Variants in IMMP2L observed in about 807,000 individuals in gnomAD.
The protein encoded by IMMP2L is mitochondrial inner membrane protease subunit 2.
Under a neutral mutation model 19.3 loss-of-function variants are expected in IMMP2L, and 18 were observed. The ratio of observed to expected loss-of-function variants is 0.93; its 90% CI spans 0.64 to 1.38. The LOEUF is 1.38. Ranked by LOEUF, IMMP2L falls within the 40% of genes most tolerant of loss-of-function variation. The pLI is 0.00. For synonymous variants in IMMP2L, 76 were observed against 73.0 expected, an observed-to-expected ratio of 1.04 and a Z score of -0.21; for missense variants, 233 against 218.2, an observed-to-expected ratio of 1.07 and a Z score of -0.43.
At chr7:110,734,750 A>C (rs79346106) in intron 5 of IMMP2L, among the ~76,000 whole-genome samples, 1 of 151,862 alleles carries the variant, frequency 6.6e-6, no homozygotes, top group East Asian at 1.9e-4. Context: ...CAAACAAAAA[A>C]CCAGCCTAAA....
At chr7:110,797,272 G>A (rs1440055841) in intron 5 of IMMP2L, among the ~76,000 whole-genome samples, 1 of 151,886 alleles carries the variant, frequency 6.6e-6, no homozygotes, top group Non-Finnish European at 1.5e-5. Context: ...TAAAAATCCT[G>A]AATGAAACAT....
At chr7:110,928,351 GCACACACACACACACACACACACA>G (rs58639346) in intron 4 of IMMP2L, among the ~76,000 whole-genome samples, 55 of 117,100 alleles carry the variant, frequency 4.7e-4, no homozygotes, top group Non-Finnish European at 8.5e-4. Context: ...ATATGTACCT[GCACACACACACACACACACACACA>G]CACACACACA....
Position 110,992,698 on chromosome 7 carries a change from C to T in IMMP2L, c.240-29133G>A, listed in dbSNP as rs181093842. On this transcript the variant is annotated intron_variant, in intron 3 of 5. Transcript: ENST00000405709. ...TTCATTAGGAAGCTTAATCAGATCACTCAAGCATTTGTTGATATGGAAAGT... is the reference window on the plus strand; with the variant it reads ...TTCATTAGGAAGCTTAATCAGATCATTCAAGCATTTGTTGATATGGAAAGT... 7.1e-4 allele frequency among the ~76,000 whole-genome samples: 108 copies of T among 152,004 alleles called. 1 individual carries two copies. The highest frequency in any genetic ancestry group is 2.5e-3 in the African/African-American group (105 of 41,510).
intron 3 of IMMP2L, among the ~76,000 whole-genome samples, chr7:110,975,848 T>A (rs1319861149): frequency 1.3e-5 from 2 of 152,150 alleles, no homozygotes; most frequent in East Asian, 3.9e-4. Context: ...GTATGTAAAC[T>A]AACAGTATAT....
At chr7:111,180,531 G>A (rs1028867972) in intron 3 of IMMP2L, among the ~76,000 whole-genome samples, 1 of 151,958 alleles carries the variant, frequency 6.6e-6, no homozygotes, top group Non-Finnish European at 1.5e-5. Flanking sequence ...TACAACATAT[G>A]TAACAAAAAG....
chr7:111,253,861 G>T (rs1816411394), intron 3 of IMMP2L, among the ~76,000 whole-genome samples: 2 of 152,128 alleles, frequency 1.3e-5, no homozygotes, highest in Admixed American at 6.6e-5. Context: ...CCAGGAAGAG[G>T]TGTGAGGCCA....
At chr7:110,905,252 C>T (rs1812327170) in intron 4 of IMMP2L, among the ~76,000 whole-genome samples, 1 of 152,136 alleles carries the variant, frequency 6.6e-6, no homozygotes, top group Non-Finnish European at 1.5e-5. Context: ...ATCCTCAGCA[C>T]TACAATATTA....
At chr7:110,691,725 T>A (rs1458394480) in intron 5 of IMMP2L, among the ~76,000 whole-genome samples, 1 of 152,012 alleles carries the variant, frequency 6.6e-6, no homozygotes, top group Non-Finnish European at 1.5e-5. Flanking sequence ...TCACTAATCA[T>A]CAGGGAAATG....
At chr7:111,307,016 T>A (rs1004195039) in intron 3 of IMMP2L, among the ~76,000 whole-genome samples, 4 of 149,262 alleles carry the variant, frequency 2.7e-5, no homozygotes, top group Non-Finnish European at 4.5e-5. Flanking sequence ...TTATATTCTA[T>A]ATATATTTTT....
intron 2 of IMMP2L, among the ~76,000 whole-genome samples, chr7:111,502,582 C>G (rs201517315): frequency 6.6e-6 from 1 of 151,788 alleles, no homozygotes. Flanking sequence ...TAAAGCACTC[C>G]TCAGCAAATG....
chr7:111,361,211 T>C (rs1218694611), intron 3 of IMMP2L, among the ~76,000 whole-genome samples: 4 of 152,128 alleles, frequency 2.6e-5, no homozygotes, highest in African/African-American at 4.8e-5. Context: ...AGAAATAACA[T>C]GGCATTGAAC....
chr7:111,176,182 T>C (rs1562888577), intron 3 of IMMP2L, among the ~76,000 whole-genome samples: 4 of 151,992 alleles, frequency 2.6e-5, no homozygotes, highest in Admixed American at 1.3e-4. Context: ...TGTAAATTAG[T>C]AATGCCACTA....
rs887500528 is a variant in IMMP2L, at chr7:111,140,050, T to C, written c.240-176485A>G. On this transcript the variant is annotated intron_variant, in intron 3 of 5. Transcript: ENST00000405709. ...CAATGAACAGGACTGAAAATAAAGA[T>C]CAGAAAAGAAAGAAGAGAGACTCAA... 1.0e-3 allele frequency among the ~76,000 whole-genome samples: 155 copies of C among 151,590 alleles called. 1 individual carries two copies. Among genetic ancestry groups the C allele is most frequent in the Non-Finnish European group, 6.3e-4 (43 of 67,900 alleles).
At chr7:111,538,633 T>TACAAA (rs1554542267) in intron 1 of IMMP2L, among the ~76,000 whole-genome samples, 7 of 97,196 alleles carry the variant, frequency 7.2e-5, no homozygotes, top group African/African-American at 2.9e-4. Context: ...ACCCTGTCTC[T>TACAAA]AAAAAAAAAA....
chr7:111,073,373 G>A, intron 3 of IMMP2L, among the ~76,000 whole-genome samples: 1 of 152,034 alleles, frequency 6.6e-6, no homozygotes, highest in East Asian at 1.9e-4. Context: ...TGAATATTTG[G>A]GGGTTCATTG....
chr7:111,448,805 C>G (rs1191980921), intron 3 of IMMP2L, among the ~76,000 whole-genome samples: 1 of 107,010 alleles, frequency 9.3e-6, no homozygotes, highest in East Asian at 2.6e-4. Flanking sequence ...AATTGATAGA[C>G]CGCTAGCAAG....
At chr7:111,410,061 A>G (rs1303949494) in intron 3 of IMMP2L, among the ~76,000 whole-genome samples, 1 of 151,834 alleles carries the variant, frequency 6.6e-6, no homozygotes. Context: ...AGAGATTGGC[A>G]TAAGAATACT....
chr7:111,341,979 C>A (rs1827054092), intron 3 of IMMP2L, among the ~76,000 whole-genome samples: 1 of 152,082 alleles, frequency 6.6e-6, no homozygotes, highest in Non-Finnish European at 1.5e-5. Context: ...CTTAGACTTC[C>A]CAGACTCTAG....
At chr7:110,900,464 T>C (rs1387197715) in intron 4 of IMMP2L, among the ~76,000 whole-genome samples, 1 of 152,196 alleles carries the variant, frequency 6.6e-6, no homozygotes, top group Non-Finnish European at 1.5e-5. Context: ...CTTCCTGGAC[T>C]CTTGCAGTCA....
Sources: gnomAD v4.1 joint callset for allele counts (sites outside exome capture counted in the v4.1 genomes callset) on GRCh38, gnomAD v4.1.1 for gene constraint, MANE v1.5 for transcripts, NCBI Gene and HGNC (gene_info 2026-07-23, HGNC 2026-07-21) for gene names.